Variants in KCNQ1 observed in about 807,000 individuals in gnomAD.
The protein encoded by KCNQ1 is potassium voltage-gated channel subfamily KQT member 1.
A neutral mutation model predicts 72.4 loss-of-function variants in KCNQ1; 49 were observed. That is an observed-to-expected ratio of 0.68 (90% CI 0.54 to 0.86). The LOEUF is 0.86. Ranked by LOEUF, KCNQ1 falls within the 40% of genes least tolerant of loss-of-function variation. The pLI is 0.00. For missense variants in KCNQ1, 790 were observed against 945.1 expected (o/e 0.84, Z 2.15); for synonymous variants, 450 against 412.6 (o/e 1.09, Z -1.10).
At chr11:2,546,684 A>G (rs1847906599) in intron 2 of KCNQ1, among the ~76,000 whole-genome samples, 1 of 149,736 alleles carries the variant, frequency 6.7e-6, no homozygotes, top group Non-Finnish European at 1.5e-5. Flanking sequence ...TTTATTTTTC[A>G]TTTTTGTGGA....
intron 11 of KCNQ1, among the ~76,000 whole-genome samples, chr11:2,731,554 C>T (rs373310254): frequency 2.6e-5 from 4 of 152,250 alleles, no homozygotes; most frequent in African/African-American, 9.6e-5. Context: ...CAGGAGAGGG[C>T]TTTCCTCCCA....
rs1564811924 is a variant in KCNQ1 at position 2,544,268 on chromosome 11, G to GTATATATATGTGTATATA, written c.477+16251_477+16252insATATATATGTGTATATAT. 7.1e-6 allele frequency among the ~76,000 whole-genome samples: 1 copy of GTATATATATGTGTATATA among 140,112 alleles called. No individual in the cohort carries two copies. The highest frequency in any genetic ancestry group is 2.8e-5 in the African/African-American group (1 of 35,546). The allele number at this position is 140,112 out of a possible 152,430, so 91.9% of individuals were successfully genotyped here. A position where few individuals can be genotyped will look rare whatever the true frequency, so the allele number is the denominator to read the frequency against. ...TGTGTGTATATATATATGTGTGTGT[G>GTATATATATGTGTATATA]TGTATATATATGTGTATATATATAT... On this transcript the variant is annotated intron_variant, in intron 2 of 15. Transcript: ENST00000155840. The surrounding 1 kb of genome is among the most constrained non-coding windows in gnomAD (Gnocchi z 4.4).
chr11:2,506,549 T>A (rs1322786773), intron 1 of KCNQ1, among the ~76,000 whole-genome samples: 1 of 152,216 alleles, frequency 6.6e-6, no homozygotes, highest in Non-Finnish European at 1.5e-5. Context: ...CTTGAAACAA[T>A]GTTGCAAAGA....
At position 2,664,891 on chromosome 11, in the gene KCNQ1, C is replaced by T. The variant is rs1044287775; in HGVS notation, c.1514+2810C>T. 4 of 398,652 alleles carry T rather than the reference C, an allele frequency of 1.0e-5. No individual in the cohort carries two copies. The highest frequency in any genetic ancestry group is 1.3e-5 in the Non-Finnish European group (3 of 226,082). The allele number at this position is 398,652 out of a possible 1,614,324, so 24.7% of individuals were successfully genotyped here. A position where few individuals can be genotyped will look rare whatever the true frequency, so the allele number is the denominator to read the frequency against. On this transcript the variant is annotated intron_variant, in intron 11 of 15. Transcript: ENST00000155840. This position sits in a 1 kb window ranked among gnomAD's most constrained non-coding sequence, Gnocchi z 5.1. ...CAAATTAAAAACATAAATAAAGACA[C>T]ATTTTGTTTCCATCTCGAGCTCTCC... is the stretch of plus-strand genomic sequence containing the variant.
rs531108613 is a variant in KCNQ1, at chr11:2,785,769, C to A, written c.1794+7732C>A. 6.6e-6 allele frequency among the ~76,000 whole-genome samples: 1 copy of A among 151,876 alleles called. No homozygotes were observed. Among genetic ancestry groups the A allele is most frequent in the African/African-American group, 2.4e-5 (1 of 41,404 alleles). Reference sequence around the variant, plus strand: ...GATTATTACTTCTCATTCTACTTTTCTCTCTACTGGTTTTGAAGTTATGTA... The same window carrying A: ...GATTATTACTTCTCATTCTACTTTTATCTCTACTGGTTTTGAAGTTATGTA... On this transcript the variant is annotated intron_variant, in intron 15 of 15. Coordinates refer to ENST00000155840, the MANE Select transcript of KCNQ1 (RefSeq NM_000218.3). This position sits in a 1 kb window ranked among gnomAD's most constrained non-coding sequence, Gnocchi z 4.4.
intron 15 of KCNQ1, chr11:2,840,140 A>G (rs897556955): frequency 2.0e-5 from 3 of 149,008 alleles, no homozygotes; most frequent in Admixed American, 6.6e-5. Flanking sequence ...ATCAATTAAC[A>G]CATTTTGTAT....
At chr11:2,489,198 C>T (rs1051648942) in intron 1 of KCNQ1, among the ~76,000 whole-genome samples, 1 of 152,182 alleles carries the variant, frequency 6.6e-6, no homozygotes, top group African/African-American at 2.4e-5. Flanking sequence ...TGCCTCCCAT[C>T]CCCCAGCTAT....
chr11:2,554,542 C>T (rs559850952), intron 2 of KCNQ1, among the ~76,000 whole-genome samples: 1 of 152,306 alleles, frequency 6.6e-6, no homozygotes, highest in Non-Finnish European at 1.5e-5. Context: ...GAGAGGGGGC[C>T]TGGGCTGGGT....
At chr11:2,780,254 A>T (rs1846798796) in intron 15 of KCNQ1, among the ~76,000 whole-genome samples, 1 of 152,206 alleles carries the variant, frequency 6.6e-6, no homozygotes, top group African/African-American at 2.4e-5. Flanking sequence ...CCTCAGGGAC[A>T]GACCCTAGGA....
At chr11:2,699,904 C>T (rs1850764605) in intron 11 of KCNQ1, 1 of 398,054 alleles carries the variant, frequency 2.5e-6, no homozygotes, top group South Asian at 1.3e-4. Context: ...CTGAGAGGCA[C>T]CCCGGCAGAA....
chr11:2,781,822 C>T lies in KCNQ1; in HGVS notation c.1794+3785C>T, dbSNP rs1846827734. On this transcript the variant is annotated intron_variant, in intron 15 of 15. Coordinates refer to ENST00000155840, the MANE Select transcript of KCNQ1 (RefSeq NM_000218.3). The surrounding 1 kb of genome is among the most constrained non-coding windows in gnomAD (Gnocchi z 6.6). ...GGCTGAGAGCCGGACACAGGGGAGTCCTGGGTTTCCATGCCGCAGTTCAGA... is the reference window on the plus strand; with the variant it reads ...GGCTGAGAGCCGGACACAGGGGAGTTCTGGGTTTCCATGCCGCAGTTCAGA... Among the ~76,000 whole-genome samples the T allele has an allele frequency of 6.6e-6, 1 of 152,138 alleles. No homozygotes were observed. The highest frequency in any genetic ancestry group is 2.4e-5 in the African/African-American group (1 of 41,430).
At chr11:2,560,632 C>T (rs984428769) in intron 2 of KCNQ1, among the ~76,000 whole-genome samples, 7 of 151,940 alleles carry the variant, frequency 4.6e-5, no homozygotes, top group African/African-American at 1.7e-4. Flanking sequence ...CTTTACGGGC[C>T]CCTCAGCCTC....
At chr11:2,535,898 C>T (rs1589936312) in intron 2 of KCNQ1, among the ~76,000 whole-genome samples, 1 of 152,232 alleles carries the variant, frequency 6.6e-6, no homozygotes, top group Non-Finnish European at 1.5e-5. Flanking sequence ...GGGCACCCTG[C>T]CTCCAGTGTT....
intron 10 of KCNQ1, among the ~76,000 whole-genome samples, chr11:2,591,936 G>C (rs926762552): frequency 1.3e-5 from 2 of 152,224 alleles, no homozygotes; most frequent in Non-Finnish European, 2.9e-5. Flanking sequence ...GCCCTGGCTT[G>C]GGGAGAAGGA....
At chr11:2,581,080 C>G (rs550980008) in intron 6 of KCNQ1, among the ~76,000 whole-genome samples, 29 of 152,328 alleles carry the variant, frequency 1.9e-4, no homozygotes, top group Non-Finnish European at 2.8e-4. Context: ...GAGTGTCCCC[C>G]CAAAAAATCT....
rs910228506 is a variant in KCNQ1 at position 2,745,013 on chromosome 11, A to G, written c.1515-23831A>G. Among the ~76,000 whole-genome samples, 19 of 152,204 alleles carry G rather than the reference A, an allele frequency of 1.2e-4. No homozygotes were observed. The highest frequency in any genetic ancestry group is 4.6e-4 in the African/African-American group (19 of 41,536). ...TGATAGTCTGCTGGTCGGAAGGACA[A>G]TGGCGGCACCCCAAGACCTGATGCT... On this transcript the variant is annotated intron_variant, in intron 11 of 15. Transcript: ENST00000155840. This position sits in a 1 kb window ranked among gnomAD's most constrained non-coding sequence, Gnocchi z 6.2.
intron 10 of KCNQ1, among the ~76,000 whole-genome samples, chr11:2,589,991 G>C (rs573079535): frequency 6.6e-6 from 1 of 152,328 alleles, no homozygotes; most frequent in South Asian, 2.1e-4. Flanking sequence ...GTTAGGAGAG[G>C]TGGAAGGGAC....
rs943108243 is a variant in KCNQ1, at chr11:2,508,602, C to T, written c.387-19326C>T. Among the ~76,000 whole-genome samples, 4 of 152,158 alleles carry T rather than the reference C, an allele frequency of 2.6e-5. No individual in the cohort carries two copies. The highest frequency in any genetic ancestry group is 3.2e-3 in the Middle Eastern group (1 of 316). On this transcript the variant is annotated intron_variant, in intron 1 of 15. Coordinates refer to ENST00000155840, the MANE Select transcript of KCNQ1 (RefSeq NM_000218.3). The surrounding 1 kb of genome is among the most constrained non-coding windows in gnomAD (Gnocchi z 6.2). ...GGGCTGGGACCCACCAGGACCCAGA[C>T]TCCCAGACTAGCAGGTGGGCTTCTC...
chr11:2,793,645 T>C lies in KCNQ1; in HGVS notation c.1794+15608T>C, dbSNP rs1043463769. On this transcript the variant is annotated intron_variant, in intron 15 of 15. Transcript: ENST00000155840. ...TCTCTAAAAATAAAAGTAAGAAGTA[T>C]TTTTTTTTTAACTGAGGCCCTTCTG... 3.3e-5 allele frequency among the ~76,000 whole-genome samples: 5 copies of C among 149,458 alleles called. No homozygotes were observed. In the South Asian group the frequency reaches 1.1e-3, roughly 32 times the overall value.
Sources: gnomAD v4.1 joint callset for allele counts (sites outside exome capture counted in the v4.1 genomes callset) on GRCh38, gnomAD v4.1.1 for gene constraint, Gnocchi (gnomAD v3.1) non-coding constraint, MANE v1.5 for transcripts, NCBI Gene and HGNC (gene_info 2026-07-23, HGNC 2026-07-21) for gene names.